PDE11A: variants seen among roughly 807,000 people sequenced by gnomAD.
The protein encoded by PDE11A is dual 3',5'-cyclic-AMP and -GMP phosphodiesterase 11A.
PDE11A carries 100 observed loss-of-function variants against 100.5 expected under a neutral mutation model. That is an observed-to-expected ratio of 1.00 (90% CI 0.85 to 1.18). PDE11A has a LOEUF of 1.18. PDE11A is among the 50% of genes most tolerant of loss of function. The pLI, the probability that PDE11A is intolerant of heterozygous loss-of-function variation, is 0.00. For synonymous variants in PDE11A, 381 were observed against 420.8 expected (o/e 0.91, Z 1.16); for missense variants, 1,141 against 1,152.6 (o/e 0.99, Z 0.15).
At chr2:177,673,560 A>G (rs1373542858) in intron 17 of PDE11A, among the ~76,000 whole-genome samples, 1 of 152,132 alleles carries the variant, frequency 6.6e-6, no homozygotes, top group African/African-American at 2.4e-5. Flanking sequence ...GGGTGTGTGT[A>G]GGTCTTTAAT....
intron 1 of PDE11A, among the ~76,000 whole-genome samples, chr2:178,032,518 A>G (rs2086561785): frequency 6.6e-6 from 1 of 151,304 alleles, no homozygotes; most frequent in Admixed American, 6.6e-5. Context: ...TTTTCCATTA[A>G]GAATGAAAAG....
chr2:177,925,916 G>A (rs997010745), intron 2 of PDE11A, among the ~76,000 whole-genome samples: 1 of 152,208 alleles, frequency 6.6e-6, no homozygotes, highest in South Asian at 2.1e-4. Context: ...TGTTGCAGAG[G>A]GGGAGAATCA....
intron 9 of PDE11A, among the ~76,000 whole-genome samples, chr2:177,802,002 T>TC (rs34692952): frequency 0.82 from 124,300 of 151,846 alleles, 51,138 homozygotes; most frequent in East Asian, 0.98. Context: ...TATAAAGAAC[T>TC]CTTCCAGTCA....
intron 2 of PDE11A, among the ~76,000 whole-genome samples, chr2:178,102,186 G>T (rs1173711982): frequency 2.0e-5 from 3 of 151,916 alleles, no homozygotes; most frequent in Non-Finnish European, 4.4e-5. Context: ...GAGTGCAGTG[G>T]CATGATCTTG....
intron 1 of PDE11A, among the ~76,000 whole-genome samples, chr2:178,059,667 AG>A (rs2086942774): frequency 6.6e-6 from 1 of 152,204 alleles, no homozygotes; most frequent in Admixed American, 6.5e-5. Context: ...TATTTCCCAG[AG>A]TCCTATTCTC....
In PDE11A at chr2:177,915,070, A is replaced by G. The variant is rs2084933313; in HGVS notation, c.1072-9883T>C. ...TTTTTTAGGGCAGTTTTAGGTTTAC[A>G]GAAAAGTTAAGTGGAAAGTACAAGG... On this transcript the variant is annotated intron_variant, in intron 2 of 19. Coordinates refer to ENST00000286063, the MANE Select transcript of PDE11A (RefSeq NM_016953.4). Among the ~76,000 whole-genome samples, 3 of 152,174 alleles carry G rather than the reference A, an allele frequency of 2.0e-5. No homozygotes were observed. In the South Asian group the frequency reaches 6.2e-4, roughly 32 times the overall value.
chr2:177,665,799 G>A (rs189713209), intron 18 of PDE11A, among the ~76,000 whole-genome samples: 110 of 151,032 alleles, frequency 7.3e-4, no homozygotes, highest in African/African-American at 2.6e-3. Context: ...AGAGGTTGCA[G>A]TGAGCCAAAA....
chr2:177,758,845 C>T lies in PDE11A; in HGVS notation c.1788+10478G>A, dbSNP rs150164953. On this transcript the variant is annotated intron_variant, in intron 10 of 19. Transcript: ENST00000286063. Reference sequence around the variant, plus strand: ...AAAGGGGAGAGTCCCCCAGTCCCTCCACCTCGTGCCTGGGCAAATGAATAA... The same window carrying T: ...AAAGGGGAGAGTCCCCCAGTCCCTCTACCTCGTGCCTGGGCAAATGAATAA... 3.9e-5 allele frequency among the ~76,000 whole-genome samples: 6 copies of T among 152,344 alleles called. No individual in the cohort carries two copies. The East Asian group carries it at 1.2e-3, about 29-fold the overall frequency.
At chr2:177,716,521 C>A (rs750828760) in intron 12 of PDE11A, among the ~76,000 whole-genome samples, 1 of 152,068 alleles carries the variant, frequency 6.6e-6, no homozygotes, top group Admixed American at 6.6e-5. Flanking sequence ...TCTTTCTCTC[C>A]GTATTATTTG....
chr2:177,708,181 T>C (rs1221126575), intron 13 of PDE11A, among the ~76,000 whole-genome samples: 1 of 152,210 alleles, frequency 6.6e-6, no homozygotes, highest in Non-Finnish European at 1.5e-5. Flanking sequence ...CAATGTTTCA[T>C]TGCAGCTCTA....
chr2:178,085,602 T>C (rs1354833541), intron 2 of PDE11A, among the ~76,000 whole-genome samples: 1 of 152,030 alleles, frequency 6.6e-6, no homozygotes, highest in Non-Finnish European at 1.5e-5. Flanking sequence ...AACAAAATGT[T>C]ACTAGTGTAT....
intron 4 of PDE11A, among the ~76,000 whole-genome samples, chr2:177,878,479 G>A (rs1419961840): frequency 6.6e-6 from 1 of 152,140 alleles, no homozygotes; most frequent in East Asian, 1.9e-4. Flanking sequence ...CGGTCACCAT[G>A]CAAGAAGTGC....
chr2:177,635,830 A>G (rs951624671), intron 19 of PDE11A, among the ~76,000 whole-genome samples: 8 of 151,864 alleles, frequency 5.3e-5, no homozygotes, highest in Admixed American at 2.0e-4. Flanking sequence ...TATCTTGGGA[A>G]AAACTCATAT....
At chr2:177,822,555 T>A (rs1320548380) in intron 6 of PDE11A, among the ~76,000 whole-genome samples, 2 of 152,076 alleles carry the variant, frequency 1.3e-5, no homozygotes, top group African/African-American at 4.8e-5. Context: ...TTCTTCAAGA[T>A]TGTCTTGACT....
intron 19 of PDE11A, among the ~76,000 whole-genome samples, chr2:177,645,150 G>C (rs1376128752): frequency 1.3e-5 from 2 of 152,130 alleles, no homozygotes; most frequent in African/African-American, 4.8e-5. Flanking sequence ...CATGTGCTAA[G>C]GAAAGATAAA....
At chr2:178,075,627 T>C (rs572821123), upstream of PDE11A, among the ~76,000 whole-genome samples, 1 of 151,618 alleles carries the variant, frequency 6.6e-6, no homozygotes, top group Admixed American at 6.5e-5. Flanking sequence ...GAGTAAATAT[T>C]AATAATAGCT....
At chr2:177,963,260 A>G (rs1015929078) in intron 2 of PDE11A, among the ~76,000 whole-genome samples, 8 of 152,146 alleles carry the variant, frequency 5.3e-5, no homozygotes, top group African/African-American at 1.4e-4. Flanking sequence ...ATATTTCTGT[A>G]TCTTCAGGAT....
rs958032673 is a variant in PDE11A at position 177,681,011 on chromosome 2, A to T, written c.2346-108T>A. On this transcript the variant is annotated intron_variant, in intron 15 of 19. Coordinates refer to ENST00000286063, the MANE Select transcript of PDE11A (RefSeq NM_016953.4). ...TATGGGAAAAACATAAGACCACTTG[A>T]ACCAAGTAACTTAATATTTGAAATC... The T allele has an allele frequency of 4.1e-5, 27 of 666,326 alleles. No individual in the cohort carries two copies. In the African/African-American group the frequency reaches 4.9e-4, roughly 12 times the overall value. 41.3% of individuals were successfully genotyped at this position (666,326 alleles called of 1,614,324 possible).
chr2:177,692,741 T>C (rs2081057779), intron 15 of PDE11A, among the ~76,000 whole-genome samples: 3 of 152,254 alleles, frequency 2.0e-5, no homozygotes, highest in South Asian at 4.1e-4. Flanking sequence ...TGTTTGTTTT[T>C]GTATTTTAAT....
Sources: allele counts gnomAD v4.1 joint callset (sites outside exome capture counted in the v4.1 genomes callset), GRCh38; gene constraint gnomAD v4.1.1; transcripts MANE v1.5; gene names NCBI Gene and HGNC (gene_info 2026-07-23, HGNC 2026-07-21).